The following PPARGC1A variants were observed in gnomAD, a reference collection of about 807,000 sequenced individuals.
The protein encoded by PPARGC1A is PPARG coactivator 1 alpha.
Under a neutral mutation model 88.7 loss-of-function variants are expected in PPARGC1A, and 25 were observed. That is an observed-to-expected ratio of 0.28 (90% CI 0.21 to 0.39). The LOEUF is 0.39. PPARGC1A is among the 10% of genes least tolerant of loss of function. PPARGC1A has a pLI of 1.00. For missense variants in PPARGC1A, 880 were observed against 968.7 expected (o/e 0.91, Z 1.22); for synonymous variants, 363 against 355.6 (o/e 1.02, Z -0.24).
chr4:24,213,123 G>A, the PPARGC1A span, among the ~76,000 whole-genome samples: 2 of 149,846 alleles, frequency 1.3e-5, no homozygotes, highest in South Asian at 2.1e-4. Flanking sequence ...CTACTCCATC[G>A]CCCCCGAGTC....
chr4:23,800,441 T>C (rs1391328506), intron 12 of PPARGC1A, among the ~76,000 whole-genome samples: 1 of 151,872 alleles, frequency 6.6e-6, no homozygotes, highest in African/African-American at 2.4e-5. Flanking sequence ...AATTAAATGT[T>C]TGGCTATAAT....
chr4:24,227,090 T>C, the PPARGC1A span, among the ~76,000 whole-genome samples: 1 of 152,142 alleles, frequency 6.6e-6, no homozygotes, highest in Non-Finnish European at 1.5e-5. Flanking sequence ...TTCTTTTTTT[T>C]TTTTCTTTTT....
the PPARGC1A span, among the ~76,000 whole-genome samples, chr4:24,354,975 A>C: frequency 6.6e-6 from 1 of 152,188 alleles, no homozygotes; most frequent in Non-Finnish European, 1.5e-5. Flanking sequence ...CTTTTTGCCA[A>C]TTCAGCTTAA....
the PPARGC1A span, among the ~76,000 whole-genome samples, chr4:24,161,971 C>T: frequency 6.0e-3 from 638 of 105,770 alleles, 6 homozygotes; most frequent in African/African-American, 0.026. Context: ...TACACACACA[C>T]ACACACACAC....
At chr4:24,264,698 T>C in the PPARGC1A span, among the ~76,000 whole-genome samples, 1 of 152,352 alleles carries the variant, frequency 6.6e-6, no homozygotes, top group East Asian at 1.9e-4. Context: ...ATTAGAGAGA[T>C]GAGTTCTTGT....
chr4:24,086,726 G>C, the PPARGC1A span, among the ~76,000 whole-genome samples: 3 of 152,158 alleles, frequency 2.0e-5, no homozygotes, highest in Non-Finnish European at 2.9e-5. Context: ...TGAATAGCTG[G>C]TCTCATTAAG....
chr4:23,808,343 T>G (rs193289379), intron 10 of PPARGC1A, among the ~76,000 whole-genome samples: 1 of 152,014 alleles, frequency 6.6e-6, no homozygotes, highest in African/African-American at 2.4e-5. Flanking sequence ...ACACTGTCCC[T>G]GGCTTCTGAG....
At chr4:23,983,701 T>A in the PPARGC1A span, among the ~76,000 whole-genome samples, 9 of 151,882 alleles carry the variant, frequency 5.9e-5, no homozygotes, top group African/African-American at 2.2e-4. Flanking sequence ...GGAAGAGAGG[T>A]AGGTAGGAGA....
chr4:23,957,701 G>A, the PPARGC1A span, among the ~76,000 whole-genome samples: 1 of 152,026 alleles, frequency 6.6e-6, no homozygotes, highest in Non-Finnish European at 1.5e-5. Flanking sequence ...GGGAGAGAGA[G>A]AACAAGGTGG....
At chr4:23,826,447 A>G (rs1723947255) in intron 5 of PPARGC1A, among the ~76,000 whole-genome samples, 1 of 152,154 alleles carries the variant, frequency 6.6e-6, no homozygotes, top group South Asian at 2.1e-4. Context: ...TCAACACACA[A>G]CCATGGCTAG....
the PPARGC1A span, among the ~76,000 whole-genome samples, chr4:23,993,316 T>A: frequency 6.6e-6 from 1 of 152,186 alleles, no homozygotes; most frequent in Non-Finnish European, 1.5e-5. Context: ...AACAGAAAAG[T>A]AGATTTAACC....
At chr4:24,194,671 C>A in the PPARGC1A span, among the ~76,000 whole-genome samples, 144 of 148,076 alleles carry the variant, frequency 9.7e-4, no homozygotes, top group Non-Finnish European at 1.7e-3. Context: ...CACACACACC[C>A]CCATCAAGAA....
At chr4:24,349,145 G>A in the PPARGC1A span, among the ~76,000 whole-genome samples, 4 of 152,226 alleles carry the variant, frequency 2.6e-5, no homozygotes, top group Non-Finnish European at 5.9e-5. Flanking sequence ...GTCCTGTGAT[G>A]TGAACCCTCT....
chr4:23,856,431 G>A (rs751547860), intron 2 of PPARGC1A, among the ~76,000 whole-genome samples: 1 of 152,114 alleles, frequency 6.6e-6, no homozygotes, highest in Non-Finnish European at 1.5e-5. Context: ...AGAGAGGCCC[G>A]GGCCATGCTC....
chr4:23,988,917 TAATA>T, the PPARGC1A span, among the ~76,000 whole-genome samples: 2 of 147,476 alleles, frequency 1.4e-5, no homozygotes, highest in African/African-American at 2.5e-5. Context: ...TATTATTATA[TAATA>T]TATACTATAT....
chr4:23,886,866 A>C (rs1717000330), intron 1 of PPARGC1A, among the ~76,000 whole-genome samples: 1 of 151,572 alleles, frequency 6.6e-6, no homozygotes, highest in African/African-American at 2.4e-5. Flanking sequence ...TAAAAAAAAA[A>C]AAAAAAAACA....
the PPARGC1A span, among the ~76,000 whole-genome samples, chr4:24,006,953 C>G: frequency 6.6e-6 from 1 of 152,158 alleles, no homozygotes; most frequent in South Asian, 2.1e-4. Flanking sequence ...TAATTTAATT[C>G]TAATGTGTAT....
At chr4:24,413,613 G>C in the PPARGC1A span, among the ~76,000 whole-genome samples, 9 of 152,128 alleles carry the variant, frequency 5.9e-5, no homozygotes, top group Non-Finnish European at 8.8e-5. Flanking sequence ...GATCCTTGTG[G>C]GGGGGTAGGG....
chr4:24,237,478 G>A, the PPARGC1A span, among the ~76,000 whole-genome samples: 1 of 152,124 alleles, frequency 6.6e-6, no homozygotes, highest in African/African-American at 2.4e-5. Context: ...TAGTTGAGAT[G>A]GTGTTTAGGG....
Sources: gnomAD v4.1 joint callset for allele counts (sites outside exome capture counted in the v4.1 genomes callset) on GRCh38, gnomAD v4.1.1 for gene constraint, MANE v1.5 for transcripts, NCBI Gene and HGNC (gene_info 2026-07-23, HGNC 2026-07-21) for gene names.